The following CPNE4 variants were observed in gnomAD, a reference collection of about 807,000 sequenced individuals.
The protein encoded by CPNE4 is copine 4.
In CPNE4, 25 loss-of-function variants were observed where a neutral mutation model predicts 67.9. That is an observed-to-expected ratio of 0.37 (90% CI 0.27 to 0.51). The LOEUF (loss-of-function observed/expected upper bound fraction) is 0.51. Ranked by LOEUF, CPNE4 falls within the 20% of genes least tolerant of loss-of-function variation. The pLI is 0.93. For missense variants in CPNE4, 464 were observed against 690.8 expected, an observed-to-expected ratio of 0.67 and a Z score of 3.68; for synonymous variants, 242 against 244.9, an observed-to-expected ratio of 0.99 and a Z score of 0.11.
chr3:131,780,252 A>G (rs998902520), intron 2 of CPNE4, among the ~76,000 whole-genome samples: 1 of 152,196 alleles, frequency 6.6e-6, no homozygotes, highest in Non-Finnish European at 1.5e-5. Context: ...TAGTTCAGTC[A>G]CTGTTGAAAG....
At chr3:131,831,377 G>GT (rs1358874787) in intron 2 of CPNE4, among the ~76,000 whole-genome samples, 2 of 152,012 alleles carry the variant, frequency 1.3e-5, no homozygotes, top group African/African-American at 2.4e-5. Context: ...TTTAGATGCT[G>GT]TTTTTTCTTT....
At chr3:131,801,450 G>GTA (rs1233533120) in intron 2 of CPNE4, among the ~76,000 whole-genome samples, 113 of 39,558 alleles carry the variant, frequency 2.9e-3, no homozygotes, top group African/African-American at 6.8e-3. Flanking sequence ...GTGTGTGTGT[G>GTA]TGTATATATA....
chr3:131,964,029 CA>C (rs1376402054), intron 1 of CPNE4, among the ~76,000 whole-genome samples: 39 of 152,272 alleles, frequency 2.6e-4, no homozygotes, highest in African/African-American at 8.9e-4. Flanking sequence ...AGGGAAGGAG[CA>C]GGCAGCAATC....
intron 1 of CPNE4, among the ~76,000 whole-genome samples, chr3:132,023,930 T>G (rs2074059831): frequency 6.6e-6 from 1 of 152,154 alleles, no homozygotes; most frequent in Non-Finnish European, 1.5e-5. Context: ...CAAAACAAAT[T>G]CAGGTTCAGA....
intron 1 of CPNE4, among the ~76,000 whole-genome samples, chr3:132,015,008 G>C (rs2073857564): frequency 6.6e-6 from 1 of 151,502 alleles, no homozygotes; most frequent in Non-Finnish European, 1.5e-5. Context: ...GAACAAAACT[G>C]TTTGATTTAT....
At chr3:131,639,198 A>T (rs1369543519) in intron 7 of CPNE4, among the ~76,000 whole-genome samples, 2 of 152,128 alleles carry the variant, frequency 1.3e-5, no homozygotes, top group Non-Finnish European at 2.9e-5. Context: ...CAAACAAAAA[A>T]TACAAAAGAT....
intron 1 of CPNE4, among the ~76,000 whole-genome samples, chr3:131,944,969 C>T (rs962333136): frequency 6.6e-6 from 1 of 152,092 alleles, no homozygotes; most frequent in Non-Finnish European, 1.5e-5. Context: ...TTCATGCAGT[C>T]CCTAGTTCCA....
intron 2 of CPNE4, among the ~76,000 whole-genome samples, chr3:131,855,416 C>A (rs1248103929): frequency 6.6e-6 from 1 of 152,002 alleles, no homozygotes; most frequent in Non-Finnish European, 1.5e-5. Flanking sequence ...CTTCTACACA[C>A]AAGCAGATAT....
chr3:131,618,701 G>A (rs1559992898), intron 7 of CPNE4, among the ~76,000 whole-genome samples: 1 of 152,302 alleles, frequency 6.6e-6, no homozygotes, highest in East Asian at 1.9e-4. Flanking sequence ...GTATTTGTTA[G>A]AGAAGGCATT....
intron 1 of CPNE4, chr3:131,985,757 A>AGGT (rs2073026688): frequency 6.5e-6 from 1 of 153,266 alleles, no homozygotes; most frequent in South Asian, 2.0e-4. Flanking sequence ...ACTATATTCA[A>AGGT]TGAAAAACCT....
chr3:131,797,205 C>A (rs920916702), intron 2 of CPNE4, among the ~76,000 whole-genome samples: 1 of 152,154 alleles, frequency 6.6e-6, no homozygotes. Flanking sequence ...ATACTTTACA[C>A]CCCTCATGAT....
At chr3:131,691,542 G>A (rs2081033557) in intron 5 of CPNE4, among the ~76,000 whole-genome samples, 1 of 152,114 alleles carries the variant, frequency 6.6e-6, no homozygotes, top group Admixed American at 6.6e-5. Flanking sequence ...GTGACTACCA[G>A]AGCAGTGAGA....
intron 7 of CPNE4, among the ~76,000 whole-genome samples, chr3:131,644,154 C>CT (rs111409925): frequency 0.15 from 21,282 of 146,730 alleles, 1,761 homozygotes; most frequent in African/African-American, 0.23. Context: ...ATTTACATTT[C>CT]TTTTTTTTTT....
intron 1 of CPNE4, among the ~76,000 whole-genome samples, chr3:132,007,647 T>G (rs1228066347): frequency 2.6e-5 from 4 of 152,022 alleles, no homozygotes; most frequent in Non-Finnish European, 1.5e-5. Context: ...CATTCAACAG[T>G]TCATTCATTA....
At chr3:131,854,182 TA>T (rs2107650875) in intron 2 of CPNE4, among the ~76,000 whole-genome samples, 1 of 151,972 alleles carries the variant, frequency 6.6e-6, no homozygotes, top group African/African-American at 2.4e-5. Context: ...TATATCCAAA[TA>T]ATAGAATACT....
intron 1 of CPNE4, among the ~76,000 whole-genome samples, chr3:131,999,254 AAAAAAAAAAAGAT>A (rs1361332928): frequency 6.6e-5 from 10 of 150,682 alleles, no homozygotes; most frequent in Non-Finnish European, 4.4e-5. Context: ...AAAAAAAAAA[AAAAAAAAAAAGAT>A]AGCCTCTGTA....
At chr3:131,887,909 T>C (rs894401610) in intron 2 of CPNE4, among the ~76,000 whole-genome samples, 4 of 141,272 alleles carry the variant, frequency 2.8e-5, no homozygotes, top group Non-Finnish European at 1.6e-5. Flanking sequence ...AGAAGGAGGG[T>C]CTATGTCCTT....
chr3:131,916,121 C>T (rs548469170), intron 1 of CPNE4, among the ~76,000 whole-genome samples: 18 of 151,992 alleles, frequency 1.2e-4, no homozygotes, highest in East Asian at 3.9e-4. Context: ...AGTTCCTGAA[C>T]GAGAGAGAAA....
intron 1 of CPNE4, among the ~76,000 whole-genome samples, chr3:132,007,989 A>C (rs1207975328): frequency 2.6e-5 from 4 of 152,192 alleles, no homozygotes; most frequent in Non-Finnish European, 5.9e-5. Flanking sequence ...TACATTGTGC[A>C]TGTAACCTCC....
Sources: allele counts gnomAD v4.1 joint callset (sites outside exome capture counted in the v4.1 genomes callset), GRCh38; gene constraint gnomAD v4.1.1; transcripts MANE v1.5; gene names NCBI Gene and HGNC (gene_info 2026-07-23, HGNC 2026-07-21).